Variants in UBE2Q2 observed in about 807,000 individuals in gnomAD.
The protein encoded by UBE2Q2 is ubiquitin conjugating enzyme E2 Q2.
A neutral mutation model predicts 59.9 loss-of-function variants in UBE2Q2; 54 were observed. The observed-to-expected ratio is 0.90, with a 90% confidence interval of 0.72 to 1.13. The LOEUF (loss-of-function observed/expected upper bound fraction) is 1.13, where lower values mean the gene tolerates loss of function less well. Ranked by LOEUF, UBE2Q2 falls within the 50% of genes most tolerant of loss-of-function variation. UBE2Q2 has a pLI of 0.00. For synonymous variants in UBE2Q2, 165 were observed against 155.2 expected (o/e 1.06, Z -0.47); for missense variants, 433 against 441.9 (o/e 0.98, Z 0.18).
At chr15:75,850,491 A>G (rs12593806) in intron 1 of UBE2Q2, among the ~76,000 whole-genome samples, 69,382 of 151,978 alleles carry the variant, frequency 0.46, 16,752 homozygotes, top group South Asian at 0.71. Context: ...TCCCAGAACT[A>G]GAGGTCTAGC....
chr15:75,869,043 A>G (rs1897652087), intron 4 of UBE2Q2, 33 bp downstream of exon 4: 2 of 1,567,670 alleles, frequency 1.3e-6, no homozygotes, highest in Non-Finnish European at 1.7e-6. Flanking sequence ...GAGTTCATAA[A>G]TTTCTTCATT....
intron 3 of UBE2Q2, among the ~76,000 whole-genome samples, chr15:75,865,593 C>T (rs993357771): frequency 3.9e-5 from 6 of 151,954 alleles, no homozygotes; most frequent in Non-Finnish European, 5.9e-5. Context: ...AAAAAAAAAA[C>T]TTTTTAAAAA....
intron 3 of UBE2Q2, among the ~76,000 whole-genome samples, chr15:75,862,761 G>T (rs537759840): frequency 7.4e-5 from 11 of 149,500 alleles, no homozygotes; most frequent in African/African-American, 2.5e-4. Flanking sequence ...GCTGCAGTGG[G>T]CTGTGATCAT....
intron 8 of UBE2Q2, among the ~76,000 whole-genome samples, chr15:75,882,293 A>C (rs1431455540): frequency 1.3e-5 from 2 of 152,156 alleles, no homozygotes; most frequent in Non-Finnish European, 1.5e-5. Context: ...AATATGTACT[A>C]AGGTAACTGA....
chr15:75,859,737 A>AT, intron 2 of UBE2Q2, 141 bp from the exon 3 acceptor site: 1 of 551,920 alleles, frequency 1.8e-6, no homozygotes, highest in South Asian at 3.5e-5. Context: ...TTTAAAGACT[A>AT]TTTTTTAAAT....
At position 75,856,246 on chromosome 15, in the gene UBE2Q2, C is replaced by CATGTGT. The variant is rs1555418769; in HGVS notation, c.282+1759_282+1760insATGTGT. Among the ~76,000 whole-genome samples the CATGTGT allele has an allele frequency of 3.2e-3, 440 of 135,662 alleles. 2 individuals are homozygous for CATGTGT. Among genetic ancestry groups the CATGTGT allele is most frequent in the African/African-American group, 0.012 (400 of 34,372 alleles). 89.0% of individuals were successfully genotyped at this position (135,662 alleles called of 152,430 possible). ...ACATGTATGTGTATATGTGTATATA[C>CATGTGT]GTGTGTGTGTGTGTGTGTGTGTGTA... On this transcript the variant is annotated intron_variant, in intron 2 of 12. Transcript: ENST00000267938.
chr15:75,856,269 G>GTGTATATATATATATA (rs1256142539), intron 2 of UBE2Q2, among the ~76,000 whole-genome samples: 46 of 139,282 alleles, frequency 3.3e-4, no homozygotes, highest in African/African-American at 1.2e-3. Flanking sequence ...GTGTGTGTGT[G>GTGTATATATATATATA]TATATATATA....
At chr15:75,875,448 A>G (rs551802373) in intron 5 of UBE2Q2, among the ~76,000 whole-genome samples, 1 of 152,230 alleles carries the variant, frequency 6.6e-6, no homozygotes, top group Non-Finnish European at 1.5e-5. Context: ...AACCAGTCGC[A>G]TGTAGGCAGA....
chr15:75,873,961 C>T (rs1897932780), intron 5 of UBE2Q2, among the ~76,000 whole-genome samples: 1 of 152,166 alleles, frequency 6.6e-6, no homozygotes, highest in Non-Finnish European at 1.5e-5. Context: ...TCCGAAACTA[C>T]TGGGATTACA....
chr15:75,891,826 G>T (rs1015595677), intron 11 of UBE2Q2, among the ~76,000 whole-genome samples: 6 of 152,208 alleles, frequency 3.9e-5, no homozygotes, highest in Non-Finnish European at 5.9e-5. Context: ...CTTTTAGCAA[G>T]AATTTGTGGT....
At chr15:75,870,300 C>G (rs1897717240) in intron 4 of UBE2Q2, among the ~76,000 whole-genome samples, 1 of 152,040 alleles carries the variant, frequency 6.6e-6, no homozygotes, top group Non-Finnish European at 1.5e-5. Flanking sequence ...AACTCCTGAC[C>G]TCAAGTGATC....
Position 75,862,009 on chromosome 15 carries a change from T to C in UBE2Q2, c.387+2027T>C, listed in dbSNP as rs574718502. On this transcript the variant is annotated intron_variant, in intron 3 of 12. Coordinates refer to ENST00000267938, the MANE Select transcript of UBE2Q2 (RefSeq NM_173469.4). ...ATAGCGTCTCATCCTCTCGGGCCTC[T>C]TCATGTGGCTTCTCTTTCTCCAAGA... is the stretch of plus-strand genomic sequence containing the variant. Among the ~76,000 whole-genome samples, 3 of 152,332 alleles carry C rather than the reference T, an allele frequency of 2.0e-5. No individual in the cohort carries two copies. In the East Asian group the frequency reaches 5.8e-4, roughly 29 times the overall value.
At chr15:75,854,634 T>C (rs1207736930) in intron 2 of UBE2Q2, 147 bp downstream of exon 2, 1 of 523,302 alleles carries the variant, frequency 1.9e-6, no homozygotes, top group East Asian at 3.3e-5. Flanking sequence ...TTTTTTTCCT[T>C]CAAATTCTAT....
chr15:75,865,344 A>G (rs991362364), intron 3 of UBE2Q2, among the ~76,000 whole-genome samples: 8 of 152,084 alleles, frequency 5.3e-5, no homozygotes, highest in African/African-American at 1.7e-4. Context: ...ATTTGTTCCT[A>G]TTGTGTGTAG....
intron 3 of UBE2Q2, among the ~76,000 whole-genome samples, chr15:75,867,042 G>C (rs1331286166): frequency 6.6e-6 from 1 of 152,112 alleles, no homozygotes; most frequent in Non-Finnish European, 1.5e-5. Flanking sequence ...TTGTTGACCT[G>C]AGTGTCTTCA....
chr15:75,864,412 C>T (rs1295717985), intron 3 of UBE2Q2, among the ~76,000 whole-genome samples: 1 of 152,050 alleles, frequency 6.6e-6, no homozygotes, highest in East Asian at 1.9e-4. Flanking sequence ...GGGGATGTCA[C>T]TAAACATCCT....
intron 9 of UBE2Q2, 62 bp from the exon 10 acceptor site, chr15:75,890,373 A>C (rs879755542): frequency 7.2e-5 from 97 of 1,347,420 alleles, no homozygotes; most frequent in Non-Finnish European, 9.9e-5. Flanking sequence ...AATGGCACTT[A>C]GAAATTGTTT....
At position 75,843,810 on chromosome 15, in the gene UBE2Q2, G is replaced by T; in HGVS notation, c.144G>T (p.Ser48=). The T allele has an allele frequency of 5.0e-6, 8 of 1,599,488 alleles. No individual in the cohort carries two copies. Among genetic ancestry groups the T allele is most frequent in the Non-Finnish European group, 6.0e-6 (7 of 1,174,654 alleles). ...TGCCGCAGCAGGGCAGCCCGCACTC[G>T]CTGCCGCCGCCACTCACGCTCCACT... ...FLVPQQGSPH[S]LPPPLTLHCN... is the part of the protein sequence containing the mutation. The change falls in exon 1 of 13, where the codon TCG becomes TCT. Residue 48 remains serine, a synonymous_variant. Coordinates refer to ENST00000267938, the MANE Select transcript of UBE2Q2 (RefSeq NM_173469.4).
At chr15:75,857,358 G>A (rs1177841390) in intron 2 of UBE2Q2, among the ~76,000 whole-genome samples, 3 of 151,940 alleles carry the variant, frequency 2.0e-5, no homozygotes, top group Middle Eastern at 3.4e-3. Flanking sequence ...ACATAAACAT[G>A]TTCATAAGGT....
Sources: allele counts gnomAD v4.1 joint callset (sites outside exome capture counted in the v4.1 genomes callset), GRCh38; gene constraint gnomAD v4.1.1; transcripts MANE v1.5; gene names NCBI Gene and HGNC (gene_info 2026-07-23, HGNC 2026-07-21).